NKAIN2: variants seen among roughly 807,000 people sequenced by gnomAD.
The protein encoded by NKAIN2 is sodium/potassium transporting ATPase interacting 2.
Under a neutral mutation model 32.6 loss-of-function variants are expected in NKAIN2, and 14 were observed. That is an observed-to-expected ratio of 0.43 (90% CI 0.28 to 0.67). The LOEUF (loss-of-function observed/expected upper bound fraction) is 0.67, where lower values mean the gene tolerates loss of function less well. Ranked by LOEUF, NKAIN2 falls within the 30% of genes least tolerant of loss-of-function variation. The pLI is 0.17. For synonymous variants in NKAIN2, 80 were observed against 87.2 expected, an observed-to-expected ratio of 0.92 and a Z score of 0.46; for missense variants, 198 against 258.3, an observed-to-expected ratio of 0.77 and a Z score of 1.60.
At chr6:123,846,436 A>G (rs1775094019) in intron 1 of NKAIN2, among the ~76,000 whole-genome samples, 1 of 152,186 alleles carries the variant, frequency 6.6e-6, no homozygotes, top group South Asian at 2.1e-4. Context: ...GGCTGTTTTT[A>G]TTTAAAATCT....
At chr6:124,156,726 C>CA (rs908314183) in intron 1 of NKAIN2, among the ~76,000 whole-genome samples, 2 of 152,052 alleles carry the variant, frequency 1.3e-5, no homozygotes, top group Non-Finnish European at 2.9e-5. Context: ...AAACATCACC[C>CA]AACTGCCTTG....
intron 1 of NKAIN2, among the ~76,000 whole-genome samples, chr6:124,066,621 C>T (rs1194777504): frequency 6.6e-6 from 1 of 151,886 alleles, no homozygotes; most frequent in Non-Finnish European, 1.5e-5. Flanking sequence ...GTCCTGAGAC[C>T]ATTATAAATT....
In NKAIN2 at chr6:124,505,746, C is replaced by T. The variant is rs563976089; in HGVS notation, c.273+150399C>T. On this transcript the variant is annotated intron_variant, in intron 3 of 6. Transcript: ENST00000368417. ...AGAACGCAATTTTATTCTATTGTCA[C>T]TCTCTAGATTAGTGACTCAGGATCC... Among the ~76,000 whole-genome samples the T allele has an allele frequency of 7.9e-5, 12 of 152,272 alleles. No homozygotes were observed. In the South Asian group the frequency reaches 2.1e-3, roughly 26 times the overall value.
chr6:124,494,055 C>T (rs1440637049), intron 3 of NKAIN2, among the ~76,000 whole-genome samples: 2 of 152,068 alleles, frequency 1.3e-5, no homozygotes, highest in South Asian at 2.1e-4. Context: ...ACCATAACAA[C>T]CTTCCTGATT....
intron 5 of NKAIN2, among the ~76,000 whole-genome samples, chr6:124,798,077 A>G (rs1052428150): frequency 1.5e-5 from 1 of 64,686 alleles, no homozygotes; most frequent in African/African-American, 3.6e-5. Flanking sequence ...CTATCTATCT[A>G]TCTATCTATC....
chr6:124,783,495 C>T (rs1257363029), intron 4 of NKAIN2, among the ~76,000 whole-genome samples: 1 of 152,110 alleles, frequency 6.6e-6, no homozygotes, highest in African/African-American at 2.4e-5. Context: ...GCTTTTCTGA[C>T]CCAGTAGGCT....
intron 4 of NKAIN2, among the ~76,000 whole-genome samples, chr6:124,718,909 T>C (rs1415182613): frequency 1.3e-5 from 2 of 151,030 alleles, no homozygotes; most frequent in Non-Finnish European, 3.0e-5. Context: ...ATTTGAGTAA[T>C]AAAAAAAAAT....
intron 1 of NKAIN2, among the ~76,000 whole-genome samples, chr6:124,078,024 A>G (rs1783778417): frequency 1.3e-5 from 2 of 152,158 alleles, no homozygotes; most frequent in Non-Finnish European, 2.9e-5. Flanking sequence ...CCACATGACA[A>G]TGAATTGTAT....
At chr6:124,708,752 G>T (rs971272942) in intron 4 of NKAIN2, among the ~76,000 whole-genome samples, 1 of 151,896 alleles carries the variant, frequency 6.6e-6, no homozygotes, top group African/African-American at 2.4e-5. Context: ...AGACAATGGG[G>T]TTTTCTAGAT....
intron 3 of NKAIN2, among the ~76,000 whole-genome samples, chr6:124,403,152 T>C (rs1337162566): frequency 6.6e-6 from 1 of 152,190 alleles, no homozygotes; most frequent in Non-Finnish European, 1.5e-5. Context: ...GCATGTCTCC[T>C]TAGGTAATAT....
chr6:124,431,914 C>T (rs192768893), intron 3 of NKAIN2, among the ~76,000 whole-genome samples: 5 of 152,238 alleles, frequency 3.3e-5, no homozygotes, highest in African/African-American at 7.2e-5. Context: ...AGTTATTTCA[C>T]ATATTTCAGA....
intron 1 of NKAIN2, among the ~76,000 whole-genome samples, chr6:123,827,876 CCTCT>C (rs5879702): frequency 1.3e-5 from 2 of 149,882 alleles, no homozygotes; most frequent in African/African-American, 2.5e-5. Flanking sequence ...GATAGCAGTT[CCTCT>C]CTCTCTCTCT....
At chr6:124,013,377 C>A (rs1249783342) in intron 1 of NKAIN2, among the ~76,000 whole-genome samples, 1 of 151,950 alleles carries the variant, frequency 6.6e-6, no homozygotes, top group Non-Finnish European at 1.5e-5. Context: ...CTTTGCCGAG[C>A]CCAAAGTCAC....
intron 1 of NKAIN2, among the ~76,000 whole-genome samples, chr6:123,955,342 G>A (rs1179756170): frequency 6.6e-6 from 1 of 151,844 alleles, no homozygotes; most frequent in East Asian, 1.9e-4. Flanking sequence ...TAATAATTAT[G>A]AAAATTGTGA....
intron 3 of NKAIN2, among the ~76,000 whole-genome samples, chr6:124,597,831 T>G (rs1168496093): frequency 6.6e-6 from 1 of 152,204 alleles, no homozygotes; most frequent in African/African-American, 2.4e-5. Context: ...GATCTTCATT[T>G]GATTAAAACC....
intron 1 of NKAIN2, among the ~76,000 whole-genome samples, chr6:124,031,769 GA>G (rs1781416178): frequency 6.6e-6 from 1 of 152,148 alleles, no homozygotes; most frequent in Non-Finnish European, 1.5e-5. Flanking sequence ...ACTGTGGTCT[GA>G]GAGACAGCTT....
At chr6:123,921,707 T>C (rs1293398956) in intron 1 of NKAIN2, among the ~76,000 whole-genome samples, 1 of 152,244 alleles carries the variant, frequency 6.6e-6, no homozygotes, top group African/African-American at 2.4e-5. Flanking sequence ...TCATTAATTA[T>C]GATATGGCTT....
chr6:124,425,292 A>G (rs922057533), intron 3 of NKAIN2, among the ~76,000 whole-genome samples: 7 of 152,180 alleles, frequency 4.6e-5, no homozygotes, highest in Non-Finnish European at 1.0e-4. Flanking sequence ...TTAGACATGT[A>G]TCTTATGATA....
chr6:124,270,654 G>C (rs141515165), intron 1 of NKAIN2, among the ~76,000 whole-genome samples: 199 of 152,268 alleles, frequency 1.3e-3, no homozygotes, highest in Non-Finnish European at 1.9e-3. Context: ...TGAACAAATA[G>C]ATGCTGCTGA....
Sources: allele counts gnomAD v4.1 joint callset (sites outside exome capture counted in the v4.1 genomes callset), GRCh38; gene constraint gnomAD v4.1.1; transcripts MANE v1.5; gene names NCBI Gene and HGNC (gene_info 2026-07-23, HGNC 2026-07-21).